NR3C1: variants seen among roughly 807,000 people sequenced by gnomAD.
NR3C1 encodes nuclear receptor subfamily 3 group C member 1, also known as glucocorticoid receptor.
Under a neutral mutation model 74.0 loss-of-function variants are expected in NR3C1, and 14 were observed. The observed-to-expected ratio is 0.19, with a 90% CI of 0.12 to 0.30. NR3C1 has a LOEUF of 0.30. Ranked by LOEUF, NR3C1 falls within the 10% of genes least tolerant of loss-of-function variation. NR3C1 has a pLI of 1.00. For synonymous variants in NR3C1, 308 were observed against 332.5 expected (o/e 0.93, Z 0.80); for missense variants, 695 against 909.8 (o/e 0.76, Z 3.04).
chr5:143,424,206 G>A (rs924989113), intron 1 of NR3C1, among the ~76,000 whole-genome samples: 29 of 117,594 alleles, frequency 2.5e-4, no homozygotes, highest in Non-Finnish European at 5.4e-4. Context: ...AAAACTTATA[G>A]TATAATAATA....
intron 2 of NR3C1, among the ~76,000 whole-genome samples, chr5:143,379,326 A>C (rs1835769851): frequency 1.3e-5 from 2 of 152,210 alleles, no homozygotes; most frequent in African/African-American, 4.8e-5. Context: ...CTGAATGCCT[A>C]TCAGGAAGAT....
chr5:143,360,327 T>C (rs565160737), intron 2 of NR3C1, among the ~76,000 whole-genome samples: 6 of 152,394 alleles, frequency 3.9e-5, no homozygotes, highest in African/African-American at 1.4e-4. Context: ...TTTTAAACTA[T>C]GTTTACATTT....
chr5:143,287,318 A>G (rs904766702), intron 7 of NR3C1, among the ~76,000 whole-genome samples: 7 of 152,156 alleles, frequency 4.6e-5, no homozygotes, highest in Non-Finnish European at 1.0e-4. Flanking sequence ...AAAGATGATC[A>G]GGCACAAATT....
chr5:143,434,616 A>C (rs1752027778), exon 1 of NR3C1: 1 of 985,336 alleles, frequency 1.0e-6, no homozygotes, highest in African/African-American at 1.7e-5. Flanking sequence ...CCTGTTATTA[A>C]GGTACAACTA....
chr5:143,389,899 T>A (rs1837930329), intron 2 of NR3C1: 1 of 967,234 alleles, frequency 1.0e-6, no homozygotes, highest in African/African-American at 1.8e-5. Context: ...GGATGGCTCT[T>A]CCTTCCCATT....
intron 4 of NR3C1, among the ~76,000 whole-genome samples, chr5:143,301,912 T>C (rs1223541260): frequency 2.0e-5 from 3 of 152,116 alleles, no homozygotes; most frequent in Non-Finnish European, 2.9e-5. Context: ...TCCATTCTTA[T>C]TGTGTTCTAT....
intron 6 of NR3C1, among the ~76,000 whole-genome samples, chr5:143,296,113 T>C (rs1407481139): frequency 6.6e-6 from 1 of 152,198 alleles, no homozygotes; most frequent in Non-Finnish European, 1.5e-5. Context: ...GGCATATGCC[T>C]TAATATTCTT....
chr5:143,334,060 C>A (rs1300520117), intron 2 of NR3C1, among the ~76,000 whole-genome samples: 1 of 152,034 alleles, frequency 6.6e-6, no homozygotes, highest in Admixed American at 6.6e-5. Context: ...GCTTTATCTT[C>A]AAAAACTGGA....
chr5:143,330,321 A>T (rs1434232529), intron 2 of NR3C1, among the ~76,000 whole-genome samples: 1 of 152,228 alleles, frequency 6.6e-6, no homozygotes, highest in African/African-American at 2.4e-5. Context: ...AATGGTAGCT[A>T]CTGTTGTAGT....
chr5:143,374,741 A>G (rs959395564), intron 2 of NR3C1, among the ~76,000 whole-genome samples: 6 of 152,320 alleles, frequency 3.9e-5, no homozygotes, highest in South Asian at 2.1e-4. Context: ...TCACCTTGCC[A>G]GGCTCCAGGC....
intron 4 of NR3C1, among the ~76,000 whole-genome samples, chr5:143,306,908 T>G (rs1435021007): frequency 1.6e-5 from 1 of 60,842 alleles, no homozygotes; most frequent in East Asian, 5.8e-4. Context: ...TTTTTTTTTT[T>G]TTTTTTGAGA....
In NR3C1 at chr5:143,365,368, G is replaced by C. The variant is rs1053128132; in HGVS notation, c.1184+34288C>G. Among the ~76,000 whole-genome samples the C allele has an allele frequency of 1.2e-4, 19 of 152,172 alleles. 1 individual carries two copies. Among genetic ancestry groups the C allele is most frequent in the African/African-American group, 3.9e-4 (16 of 41,536 alleles). On this transcript the variant is annotated intron_variant, in intron 2 of 8. Coordinates refer to ENST00000394464, the MANE Select transcript of NR3C1 (RefSeq NM_000176.3). ...TATTCCATGCAAACAGTAAACAAAAGAAAGCTGAAGTGGCTATACTAATAT... is the reference window on the plus strand; with the variant it reads ...TATTCCATGCAAACAGTAAACAAAACAAAGCTGAAGTGGCTATACTAATAT...
chr5:143,305,075 A>G (rs1466084452), intron 4 of NR3C1, among the ~76,000 whole-genome samples: 1 of 152,184 alleles, frequency 6.6e-6, no homozygotes, highest in African/African-American at 2.4e-5. Flanking sequence ...CTGCAAATCA[A>G]GAGAAACTAT....
intron 2 of NR3C1, among the ~76,000 whole-genome samples, chr5:143,369,248 G>C (rs1471249321): frequency 1.3e-5 from 2 of 152,216 alleles, no homozygotes; most frequent in Non-Finnish European, 2.9e-5. Context: ...GCTGATGGGA[G>C]TGTAAAATGA....
chr5:143,284,078 A>C (rs894250080), intron 7 of NR3C1, among the ~76,000 whole-genome samples: 9 of 151,964 alleles, frequency 5.9e-5, no homozygotes, highest in African/African-American at 1.7e-4. Flanking sequence ...TAGAAGTCTT[A>C]TTATTATTAT....
At chr5:143,357,548 CACCTCATGAACTACAA>C (rs1402237222) in intron 2 of NR3C1, among the ~76,000 whole-genome samples, 18 of 152,246 alleles carry the variant, frequency 1.2e-4, no homozygotes, top group South Asian at 6.2e-4. Context: ...AATTTAAACC[CACCTCATGAACTACAA>C]ACAGGGGAAT....
intron 4 of NR3C1, among the ~76,000 whole-genome samples, chr5:143,304,034 T>C (rs1163940695): frequency 6.6e-6 from 1 of 152,050 alleles, no homozygotes; most frequent in Non-Finnish European, 1.5e-5. Context: ...ATGTCACCAT[T>C]CCAATTTAAC....
In NR3C1 at chr5:143,412,947, T is replaced by C. The variant is rs527498557; in HGVS notation, c.-13-12095A>G. ...ATGGTTTCAATCAATCAGGGAATGT[T>C]TATTAATAGAAGAGACTTTCTTAAT... On this transcript the variant is annotated intron_variant, in intron 1 of 8. Coordinates refer to the NR3C1 transcript ENST00000343796. Among the ~76,000 whole-genome samples the C allele has an allele frequency of 1.6e-4, 25 of 152,346 alleles. 1 individual carries two copies. The highest frequency in any genetic ancestry group is 3.4e-3 in the Middle Eastern group (1 of 294).
intron 3 of NR3C1, 86 bp downstream of exon 3, chr5:143,313,916 C>T: frequency 1.4e-6 from 2 of 1,439,788 alleles, no homozygotes; most frequent in East Asian, 2.3e-5. Context: ...CTTTCATGGG[C>T]TTTGCATATA....
Sources: allele counts gnomAD v4.1 joint callset (sites outside exome capture counted in the v4.1 genomes callset), GRCh38; gene constraint gnomAD v4.1.1; transcripts MANE v1.5; gene names NCBI Gene and HGNC (gene_info 2026-07-23, HGNC 2026-07-21).